PEX11G: variants seen among roughly 807,000 people sequenced by gnomAD.
PEX11G encodes peroxisomal membrane protein 11C.
A neutral mutation model predicts 22.5 loss-of-function variants in PEX11G; 20 were observed. That is an observed-to-expected ratio of 0.89 (90% CI 0.62 to 1.29). PEX11G has a LOEUF of 1.29. Ranked by LOEUF, PEX11G falls within the 50% of genes most tolerant of loss-of-function variation. The pLI is 0.00. For synonymous variants in PEX11G, 141 were observed against 154.5 expected (o/e 0.91, Z 0.65); for missense variants, 347 against 331.3 (o/e 1.05, Z -0.37).
In PEX11G at chr19:7,486,000, C is replaced by G. The variant is rs1338849875; in HGVS notation, c.87G>C (p.Gln29His). 2 of 1,598,688 alleles carry G rather than the reference C, an allele frequency of 1.3e-6. No individual in the cohort carries two copies. Among genetic ancestry groups the G allele is most frequent in the Admixed American group, 3.3e-5 (2 of 59,706 alleles). ...RLIRVLGYCC[Q>H]LVGGVLVEQC... ...GTTCAACCAGAACTCCACCAACCAG[C>G]TGGCAGCAGTACCCCAGCACTCGGA... Residue 29 changes from glutamine (Q) to histidine (H), a missense_variant, in exon 2 of 5, where the codon CAG becomes CAC. Physicochemically the swap from Gln to His is conservative, Grantham distance 24. Coordinates refer to ENST00000221480, the MANE Select transcript of PEX11G (RefSeq NM_080662.4).
In PEX11G at chr19:7,477,287, A is replaced by G; in HGVS notation, c.641T>C (p.Val214Ala). ...LWAGRFPPWL[V>A]GLMGTISSIL... The stretch of plus-strand genomic sequence containing the variant: ...TGAGGAGATGGTGCCCATGAGGCCC[A>G]CTAGCCACGGCGGGAAGCGGCCGGC... The change falls in exon 5 of 5, where the codon GTG becomes GCG. Residue 214 changes from valine to alanine, a missense_variant. Transcript: ENST00000221480. 1 of 1,583,838 alleles carries G rather than the reference A, an allele frequency of 6.3e-7. No homozygotes were observed. The highest frequency in any genetic ancestry group is 1.1e-5 in the South Asian group (1 of 87,074).
At chr19:7,492,288 C>G (rs2021903841), upstream of PEX11G, among the ~76,000 whole-genome samples, 1 of 152,170 alleles carries the variant, frequency 6.6e-6, no homozygotes, top group African/African-American at 2.4e-5. Flanking sequence ...TCCATCCCCA[C>G]CAGCATTACA....
chr19:7,485,320 G>A (rs113302150), intron 2 of PEX11G, among the ~76,000 whole-genome samples: 27 of 152,058 alleles, frequency 1.8e-4, no homozygotes, highest in African/African-American at 5.8e-4. Context: ...ACAGGCACAC[G>A]CCACCATGCC....
upstream of PEX11G, chr19:7,489,163 A>C: frequency 1.8e-6 from 2 of 1,135,294 alleles, no homozygotes; most frequent in Non-Finnish European, 2.3e-6. Flanking sequence ...GGGGAGGGAC[A>C]GAGTTTGCAG....
At chr19:7,489,110 G>C (rs2021808640), upstream of PEX11G, 1 of 1,328,332 alleles carries the variant, frequency 7.5e-7, no homozygotes, top group African/African-American at 1.6e-5. Context: ...CGCAGGCGCG[G>C]CCGCAGGCCT....
At chr19:7,478,219 C>G in intron 4 of PEX11G, 95 bp downstream of exon 4, 2 of 1,354,116 alleles carry the variant, frequency 1.5e-6, no homozygotes, top group Admixed American at 2.0e-5. Flanking sequence ...GCACAACAGT[C>G]CCCAGCATGG....
chr19:7,492,894 C>A (rs1471127620), upstream of PEX11G: 1 of 152,234 alleles, frequency 6.6e-6, no homozygotes, highest in Non-Finnish European at 1.5e-5. Flanking sequence ...CAGAAATGTT[C>A]TTGAGCCAGA....
In PEX11G at chr19:7,489,031, G is replaced by A. The variant is rs2021802550; in HGVS notation, c.-21C>T. 2.0e-6 allele frequency: 3 copies of A among 1,499,650 alleles called. No individual in the cohort carries two copies. The South Asian group carries it at 3.8e-5, about 19-fold the overall frequency. The allele number at this position is 1,499,650 out of a possible 1,614,324, so 92.9% of individuals were successfully genotyped here. On this transcript the variant is annotated 5_prime_UTR_variant, in exon 1 of 5. Coordinates refer to ENST00000221480, the MANE Select transcript of PEX11G (RefSeq NM_080662.4). ...GCCATGGCAACTCCGTGACGTCACC[G>A]CGACGTCGGCGCGCCGCGCCAGGGG...
At position 7,479,990 on chromosome 19, in the gene PEX11G, G is replaced by T. The variant is rs998284233; in HGVS notation, c.429-1614C>A. ...TAAAAAAATAAAGTCTGGGCCGGGA[G>T]TGGTGGCTCACGCCTATAATTCCAG... On this transcript the variant is annotated intron_variant, in intron 3 of 4. Coordinates refer to ENST00000221480, the MANE Select transcript of PEX11G (RefSeq NM_080662.4). Among the ~76,000 whole-genome samples, 4 of 152,178 alleles carry T rather than the reference G, an allele frequency of 2.6e-5. No individual in the cohort carries two copies. In the East Asian group the frequency reaches 7.7e-4, roughly 29 times the overall value.
chr19:7,477,325 C>A lies in PEX11G; in HGVS notation c.603G>T (p.Arg201=). The change falls in exon 5 of 5, where the codon CGG becomes CGT. Residue 201 remains arginine, a synonymous_variant. Transcript: ENST00000221480. ...DLANAVHWLP[R]GVLWAGRFPP... ...GGAAGCGGCCGGCCCACAGCACGCC[C>A]CGGGGCAGCCAGTGCACGGCGTTGG... 6.4e-7 allele frequency: 1 copy of A among 1,560,040 alleles called. No homozygotes were observed. The highest frequency in any genetic ancestry group is 8.7e-7 in the Non-Finnish European group (1 of 1,154,036).
At chr19:7,487,701 C>T (rs1014522242) in intron 1 of PEX11G, among the ~76,000 whole-genome samples, 1 of 152,170 alleles carries the variant, frequency 6.6e-6, no homozygotes. Flanking sequence ...GGATCACAGG[C>T]GCGAGCCACC....
intron 2 of PEX11G, 114 bp from the exon 3 acceptor site, chr19:7,482,325 T>TCCA (rs1977535002): frequency 8.1e-7 from 1 of 1,234,212 alleles, no homozygotes; most frequent in Non-Finnish European, 1.1e-6. Flanking sequence ...CCCTGGGCCG[T>TCCA]GTCCAGGCCT....
upstream of PEX11G, chr19:7,489,063 C>A: frequency 6.9e-7 from 1 of 1,452,944 alleles, no homozygotes; most frequent in Non-Finnish European, 9.0e-7. Context: ...GGGGGCGGGG[C>A]CAGGCCGGGG....
chr19:7,478,029 A>C (rs934780719), intron 4 of PEX11G, among the ~76,000 whole-genome samples: 2 of 152,248 alleles, frequency 1.3e-5, no homozygotes, highest in African/African-American at 4.8e-5. Context: ...CTCAAAAAAC[A>C]AAAAGAAAAA....
rs62109845 is a variant in PEX11G at position 7,488,936 on chromosome 19, C to T, written c.60+15G>A. 6.5e-7 allele frequency: 1 copy of T among 1,549,776 alleles called. No homozygotes were observed. Among genetic ancestry groups the T allele is most frequent in the Non-Finnish European group, 8.7e-7 (1 of 1,148,086 alleles). ...AAACTCTAGGACCTCCGGCCCCGGT[C>T]CGCCCCTGCCTCACCAGGCGGTCCC... is the stretch of plus-strand genomic sequence containing the variant. On this transcript the variant is annotated intron_variant, in intron 1 of 4. Transcript: ENST00000221480.
intron 2 of PEX11G, 112 bp from the exon 3 acceptor site, chr19:7,482,323 C>T (rs1977534501): frequency 7.9e-7 from 1 of 1,262,452 alleles, no homozygotes; most frequent in Non-Finnish European, 1.1e-6. Flanking sequence ...GTCCCTGGGC[C>T]GTGTCCAGGC....
chr19:7,490,490 A>ATTTTTTTTTTTTT (rs59322811), upstream of PEX11G, among the ~76,000 whole-genome samples: 2 of 114,894 alleles, frequency 1.7e-5, no homozygotes, highest in African/African-American at 3.2e-5. Flanking sequence ...CGCCTGGGTA[A>ATTTTTTTTTTTTT]TTTTTTTTTT....
chr19:7,478,336 T>C lies in PEX11G; in HGVS notation c.469A>G (p.Ser157Gly). Residue 157 changes from serine (S) to glycine (G), a missense_variant, in exon 4 of 5, where the codon AGC becomes GGC. Transcript: ENST00000221480. The part of the protein sequence containing the change: ...MLLKLRQRLR[S>G]PTAPFTSPLP... ...TACCTGGTGAAGGGCGCCGTGGGGC[T>C]CCGCAGCCTCTGTCTCAGTTTCAGC... 6.2e-7 allele frequency: 1 copy of C among 1,610,896 alleles called. No individual in the cohort carries two copies. Among genetic ancestry groups the C allele is most frequent in the South Asian group, 1.1e-5 (1 of 90,556 alleles).
upstream of PEX11G, chr19:7,489,519 T>C (rs1024933812): frequency 4.5e-5 from 44 of 983,638 alleles, no homozygotes; most frequent in Non-Finnish European, 5.1e-5. Flanking sequence ...TGTTCTAGAA[T>C]ACATAAATAA....
Sources: gnomAD v4.1 joint callset for allele counts (sites outside exome capture counted in the v4.1 genomes callset) on GRCh38, gnomAD v4.1.1 for gene constraint, MANE v1.5 for transcripts, NCBI Gene and HGNC (gene_info 2026-07-23, HGNC 2026-07-21) for gene names.